BCAS3: variants seen among roughly 807,000 people sequenced by gnomAD.
BCAS3 encodes BCAS4/BCAS3 fusion.
In BCAS3, 53 loss-of-function variants were observed where a neutral mutation model predicts 116.1. The observed-to-expected ratio is 0.46, with a 90% CI of 0.37 to 0.57. BCAS3 has a LOEUF of 0.57. BCAS3 is among the 20% of genes least tolerant of loss of function. BCAS3 has a pLI of 0.00. For missense variants in BCAS3, 917 were observed against 1,165.4 expected (o/e 0.79, Z 3.10); for synonymous variants, 391 against 408.2 (o/e 0.96, Z 0.51).
At chr17:61,092,545 G>A (rs2073663248) in intron 22 of BCAS3, among the ~76,000 whole-genome samples, 1 of 152,138 alleles carries the variant, frequency 6.6e-6, no homozygotes, top group African/African-American at 2.4e-5. Flanking sequence ...TGATATTATT[G>A]ATCTTTATTT....
At chr17:61,089,127 A>C (rs2073322196) in intron 22 of BCAS3, among the ~76,000 whole-genome samples, 1 of 152,210 alleles carries the variant, frequency 6.6e-6, no homozygotes, top group African/African-American at 2.4e-5. Context: ...GTACAATTGA[A>C]GTAATAAAAA....
intron 22 of BCAS3, among the ~76,000 whole-genome samples, chr17:61,121,573 A>T (rs2075791211): frequency 6.6e-6 from 1 of 152,232 alleles, no homozygotes; most frequent in Admixed American, 6.5e-5. Context: ...ACTTTATGGT[A>T]TTCATTCATG....
At chr17:60,852,288 T>G (rs1471698445) in intron 7 of BCAS3, among the ~76,000 whole-genome samples, 2 of 152,214 alleles carry the variant, frequency 1.3e-5, no homozygotes, top group South Asian at 4.1e-4. Context: ...ATTATGGCTC[T>G]CCCTGTCAGA....
intron 14 of BCAS3, among the ~76,000 whole-genome samples, chr17:60,950,436 A>G (rs1302274226): frequency 6.6e-6 from 1 of 152,178 alleles, no homozygotes; most frequent in Non-Finnish European, 1.5e-5. Flanking sequence ...TTGACCATGA[A>G]TGAGGTGTTA....
At chr17:60,829,693 T>C (rs886727219) in intron 7 of BCAS3, among the ~76,000 whole-genome samples, 2 of 152,192 alleles carry the variant, frequency 1.3e-5, no homozygotes, top group African/African-American at 4.8e-5. Context: ...TAAGTTGTTC[T>C]CACTATCTTC....
intron 5 of BCAS3, among the ~76,000 whole-genome samples, chr17:60,715,878 T>C (rs1568085836): frequency 6.6e-6 from 1 of 152,136 alleles, no homozygotes; most frequent in African/African-American, 2.4e-5. Flanking sequence ...ATTTTATTTT[T>C]TTGAGATGGA....
intron 14 of BCAS3, among the ~76,000 whole-genome samples, chr17:60,986,469 G>T (rs187844468): frequency 6.6e-6 from 1 of 152,132 alleles, no homozygotes; most frequent in African/African-American, 2.4e-5. Flanking sequence ...TAGTGTATGA[G>T]GGTTCCCTTT....
At chr17:60,969,752 CCAA>C in intron 14 of BCAS3, among the ~76,000 whole-genome samples, 1 of 152,036 alleles carries the variant, frequency 6.6e-6, no homozygotes, top group East Asian at 1.9e-4. Context: ...TTTCTGAAAA[CCAA>C]AGTAAGGAGG....
At chr17:60,841,615 C>T (rs375034144) in intron 7 of BCAS3, among the ~76,000 whole-genome samples, 3 of 149,214 alleles carry the variant, frequency 2.0e-5, no homozygotes, top group Admixed American at 1.3e-4. Flanking sequence ...CTCCTGACCT[C>T]GTGATCCGCC....
intron 18 of BCAS3, among the ~76,000 whole-genome samples, chr17:61,039,390 G>T (rs1175950077): frequency 1.3e-5 from 2 of 151,762 alleles, no homozygotes; most frequent in Non-Finnish European, 2.9e-5. Flanking sequence ...AAATAATGTT[G>T]CTGTGAACAT....
In BCAS3 at chr17:61,111,227, G is replaced by C. The variant is rs375074746; in HGVS notation, c.2425+26663G>C. On this transcript the variant is annotated intron_variant, in intron 22 of 23. Transcript: ENST00000407086. ...GTTCCTCACCAGCAACGGAACAAAG[G>C]TGGATGGAGAATGACTTTGACAAGC... Among the ~76,000 whole-genome samples, 507 of 151,964 alleles carry C rather than the reference G, an allele frequency of 3.3e-3. 3 individuals are homozygous for C. Among genetic ancestry groups the C allele is most frequent in the African/African-American group, 0.011 (469 of 41,298 alleles).
At chr17:61,262,132 A>C (rs1693885384) in intron 22 of BCAS3, among the ~76,000 whole-genome samples, 1 of 152,190 alleles carries the variant, frequency 6.6e-6, no homozygotes, top group South Asian at 2.1e-4. Flanking sequence ...AGAATGAACA[A>C]ACTGTTAGAA....
At chr17:61,288,995 C>T (rs1439113008) in intron 22 of BCAS3, among the ~76,000 whole-genome samples, 7 of 152,224 alleles carry the variant, frequency 4.6e-5, no homozygotes, top group Admixed American at 2.0e-4. Context: ...CGGGAAGGGC[C>T]GCGCAGGCCT....
At position 61,151,885 on chromosome 17, in the gene BCAS3, A is replaced by G. The variant is rs555797053; in HGVS notation, c.2425+67321A>G. Among the ~76,000 whole-genome samples, 1 of 152,278 alleles carries G rather than the reference A, an allele frequency of 6.6e-6. No homozygotes were observed. The highest frequency in any genetic ancestry group is 2.1e-4 in the South Asian group (1 of 4,822). ...CTCCTGCAAACGTGAATGTTCCTAA[A>G]ATGCACCAGACTTACTATAAGAAGT... is the stretch of plus-strand genomic sequence containing the variant. On this transcript the variant is annotated intron_variant, in intron 22 of 23. Transcript: ENST00000407086. The surrounding 1 kb of genome is among the most constrained non-coding windows in gnomAD (Gnocchi z 4.8).
intron 7 of BCAS3, among the ~76,000 whole-genome samples, chr17:60,842,262 C>A (rs1223207512): frequency 6.6e-6 from 1 of 151,974 alleles, no homozygotes; most frequent in Non-Finnish European, 1.5e-5. Flanking sequence ...TGGATAATAA[C>A]CTTTTAAAAT....
intron 6 of BCAS3, among the ~76,000 whole-genome samples, chr17:60,791,980 G>A (rs2046806137): frequency 6.6e-6 from 1 of 152,036 alleles, no homozygotes; most frequent in African/African-American, 2.4e-5. Context: ...AAAATTAGCT[G>A]GGCATGGTGA....
At chr17:60,682,026 G>T (rs1055866754) in intron 2 of BCAS3, among the ~76,000 whole-genome samples, 3 of 152,026 alleles carry the variant, frequency 2.0e-5, no homozygotes, top group Non-Finnish European at 4.4e-5. Flanking sequence ...CACCGCGCCC[G>T]GCCTAATTTT....
chr17:60,728,104 C>A (rs183681432), intron 5 of BCAS3, among the ~76,000 whole-genome samples: 3 of 151,898 alleles, frequency 2.0e-5, no homozygotes, highest in Non-Finnish European at 2.9e-5. Flanking sequence ...CCACCGTACC[C>A]GGCCTGGTTT....
rs1007494714 is a variant in BCAS3, at chr17:61,123,518, T to C, written c.2425+38954T>C. Among the ~76,000 whole-genome samples, 11 of 152,264 alleles carry C rather than the reference T, an allele frequency of 7.2e-5. 1 individual carries two copies. Among genetic ancestry groups the C allele is most frequent in the Admixed American group, 6.5e-4 (10 of 15,288 alleles). ...GACCCTATCTGTTTTTTATCACCCT[T>C]GAGCAAACCCAGCCCTATTTGGTAT... On this transcript the variant is annotated intron_variant, in intron 22 of 23. Coordinates refer to ENST00000407086, the MANE Select transcript of BCAS3 (RefSeq NM_017679.5).
Sources: allele counts gnomAD v4.1 joint callset (sites outside exome capture counted in the v4.1 genomes callset), GRCh38; gene constraint gnomAD v4.1.1; non-coding constraint Gnocchi (gnomAD v3.1); transcripts MANE v1.5; gene names NCBI Gene and HGNC (gene_info 2026-07-23, HGNC 2026-07-21).